GPR158: variants seen among roughly 807,000 people sequenced by gnomAD.
GPR158 encodes the protein G protein-coupled receptor 158, also known as metabotropic glycine receptor.
A neutral mutation model predicts 78.2 loss-of-function variants in GPR158; 30 were observed. The ratio of observed to expected loss-of-function variants is 0.38; its 90% CI spans 0.29 to 0.52. GPR158 has a LOEUF of 0.52. GPR158 is among the 20% of genes least tolerant of loss of function. The pLI, the probability that GPR158 is intolerant of heterozygous loss-of-function variation, is 0.83. For missense variants in GPR158, 1,463 were observed against 1,523.5 expected (o/e 0.96, Z 0.66); for synonymous variants, 581 against 591.1 (o/e 0.98, Z 0.25).
chr10:25,505,001 T>A (rs1034674359), intron 5 of GPR158, among the ~76,000 whole-genome samples: 9 of 152,208 alleles, frequency 5.9e-5, no homozygotes, highest in African/African-American at 2.2e-4. Flanking sequence ...AATTATGTAA[T>A]CTTTATATTC....
At chr10:25,523,830 G>A (rs1001042864) in intron 5 of GPR158, among the ~76,000 whole-genome samples, 12 of 151,874 alleles carry the variant, frequency 7.9e-5, no homozygotes, top group African/African-American at 2.9e-4. Context: ...ACAGCAATTA[G>A]GCAAGAAAAT....
intron 5 of GPR158, among the ~76,000 whole-genome samples, chr10:25,509,712 T>C (rs1836058607): frequency 6.6e-6 from 1 of 152,170 alleles, no homozygotes; most frequent in African/African-American, 2.4e-5. Context: ...TTTTATTTTA[T>C]GATTTTTATT....
intron 2 of GPR158, among the ~76,000 whole-genome samples, chr10:25,302,127 A>T (rs1453344363): frequency 7.1e-6 from 1 of 141,136 alleles, no homozygotes; most frequent in Non-Finnish European, 1.5e-5. Flanking sequence ...GCTGGAGTGC[A>T]GTGGTGCGAT....
intron 5 of GPR158, among the ~76,000 whole-genome samples, chr10:25,533,453 C>G (rs1588901634): frequency 6.6e-6 from 1 of 152,294 alleles, no homozygotes; most frequent in East Asian, 1.9e-4. Context: ...GACCAATACA[C>G]TGGTTCCTGG....
chr10:25,536,545 A>G (rs1588902895), intron 5 of GPR158, among the ~76,000 whole-genome samples: 1 of 152,336 alleles, frequency 6.6e-6, no homozygotes, highest in East Asian at 1.9e-4. Flanking sequence ...CCTTTATAAA[A>G]GAAAATTCCT....
chr10:25,360,838 T>A (rs929029713), intron 2 of GPR158, among the ~76,000 whole-genome samples: 4 of 152,146 alleles, frequency 2.6e-5, no homozygotes, highest in Non-Finnish European at 4.4e-5. Flanking sequence ...ATTGTATCTA[T>A]AAATTACTTT....
At chr10:25,317,617 T>C (rs964131941) in intron 2 of GPR158, among the ~76,000 whole-genome samples, 1 of 152,184 alleles carries the variant, frequency 6.6e-6, no homozygotes, top group Non-Finnish European at 1.5e-5. Context: ...GAATATTTAA[T>C]TCAGTTGGAT....
intron 2 of GPR158, among the ~76,000 whole-genome samples, chr10:25,310,232 C>T (rs1173055274): frequency 1.3e-5 from 2 of 152,146 alleles, no homozygotes; most frequent in African/African-American, 4.8e-5. Flanking sequence ...CATATCTGCG[C>T]TCTCTGTTCA....
chr10:25,336,007 G>T (rs1388368961), intron 2 of GPR158, among the ~76,000 whole-genome samples: 1 of 151,978 alleles, frequency 6.6e-6, no homozygotes, highest in East Asian at 1.9e-4. Context: ...GCTGAAAATA[G>T]TGCCTGTGTG....
intron 5 of GPR158, among the ~76,000 whole-genome samples, chr10:25,508,819 C>T (rs1179790477): frequency 6.6e-6 from 1 of 152,192 alleles, no homozygotes; most frequent in East Asian, 1.9e-4. Context: ...TGACCAGCCC[C>T]TCTCCCTGCT....
intron 4 of GPR158, among the ~76,000 whole-genome samples, chr10:25,427,302 G>C (rs115178512): frequency 1.6e-3 from 249 of 152,182 alleles, no homozygotes; most frequent in African/African-American, 5.8e-3. Flanking sequence ...TATGGAGGGA[G>C]ACTCATATAC....
intron 5 of GPR158, among the ~76,000 whole-genome samples, chr10:25,494,195 G>A (rs1222178520): frequency 6.6e-6 from 1 of 152,082 alleles, no homozygotes; most frequent in African/African-American, 2.4e-5. Context: ...GAGGTTGGGG[G>A]GAAAGAATCT....
chr10:25,567,181 A>G (rs1836941484), intron 6 of GPR158, among the ~76,000 whole-genome samples: 1 of 152,168 alleles, frequency 6.6e-6, no homozygotes, highest in Admixed American at 6.6e-5. Flanking sequence ...TCACATACAA[A>G]TGCAAATGTT....
At chr10:25,551,884 G>A (rs1196937448) in intron 6 of GPR158, among the ~76,000 whole-genome samples, 1 of 152,152 alleles carries the variant, frequency 6.6e-6, no homozygotes, top group Non-Finnish European at 1.5e-5. Context: ...CTTTAAAGCT[G>A]TTTCGACAAC....
chr10:25,570,286 T>C lies in GPR158; in HGVS notation c.1515-2363T>C, dbSNP rs184038887. On this transcript the variant is annotated intron_variant, in intron 6 of 10. Coordinates refer to ENST00000376351, the MANE Select transcript of GPR158 (RefSeq NM_020752.3). ...CTTCATATTATATTTGGTCAATTTG[T>C]TGAAGTTTTTTAAAGTAGAAAAGCA... 2.6e-3 allele frequency among the ~76,000 whole-genome samples: 392 copies of C among 152,346 alleles called. 3 individuals are homozygous for C. Among genetic ancestry groups the C allele is most frequent in the African/African-American group, 8.9e-3 (372 of 41,582 alleles).
chr10:25,198,034 G>T (rs766759601), intron 1 of GPR158, among the ~76,000 whole-genome samples: 1 of 152,102 alleles, frequency 6.6e-6, no homozygotes, highest in Non-Finnish European at 1.5e-5. Flanking sequence ...GCAAAAAACA[G>T]CAGACTCAAG....
At chr10:25,282,941 G>A (rs891708114) in intron 2 of GPR158, among the ~76,000 whole-genome samples, 6 of 152,018 alleles carry the variant, frequency 3.9e-5, no homozygotes, top group African/African-American at 1.4e-4. Flanking sequence ...TTGTGTCTAT[G>A]ATAATGAGAG....
Position 25,175,488 on chromosome 10 carries a change from G to A in GPR158, c.68G>A (p.Gly23Asp). 1 of 1,611,336 alleles carries A rather than the reference G, an allele frequency of 6.2e-7. No homozygotes were observed. The highest frequency in any genetic ancestry group is 2.2e-5 in the East Asian group (1 of 44,820). The change falls in exon 1 of 11, where the codon GGC (glycine) becomes GAC (aspartate). Residue 23 changes from glycine to aspartate, a missense_variant. Transcript: ENST00000376351. This position sits in a 1 kb window ranked among gnomAD's most constrained non-coding sequence, Gnocchi z 6.4. Reference protein sequence around the residue: ...LLAQLGLGAVGASRDPQGRPD... With the variant: ...LLAQLGLGAVDASRDPQGRPD... ...GCTCAGCTGGGATTGGGAGCTGTTGGCGCCAGCCGCGACCCCCAAGGACGG... is the reference window on the plus strand; with the variant it reads ...GCTCAGCTGGGATTGGGAGCTGTTGACGCCAGCCGCGACCCCCAAGGACGG...
intron 2 of GPR158, among the ~76,000 whole-genome samples, chr10:25,264,486 C>A (rs367987253): frequency 2.0e-5 from 3 of 152,246 alleles, no homozygotes; most frequent in Admixed American, 6.5e-5. Context: ...GTGTCTGGAT[C>A]AGTCAAGCCA....
Sources: gnomAD v4.1 joint callset for allele counts (sites outside exome capture counted in the v4.1 genomes callset) on GRCh38, gnomAD v4.1.1 for gene constraint, Gnocchi (gnomAD v3.1) non-coding constraint, MANE v1.5 for transcripts, NCBI Gene and HGNC (gene_info 2026-07-23, HGNC 2026-07-21) for gene names.